The following MFSD2B variants were observed in gnomAD, a reference collection of about 807,000 sequenced individuals.
The protein encoded by MFSD2B is MFSD2 lysolipid transporter B, sphingolipid, also known as sphingosine-1-phosphate transporter MFSD2B.
A neutral mutation model predicts 58.4 loss-of-function variants in MFSD2B; 56 were observed. That is an observed-to-expected ratio of 0.96 (90% CI 0.77 to 1.20). The LOEUF (loss-of-function observed/expected upper bound fraction) is 1.20, where lower values mean the gene tolerates loss of function less well. Ranked by LOEUF, MFSD2B falls within the 50% of genes most tolerant of loss-of-function variation. The pLI, the probability that MFSD2B is intolerant of heterozygous loss-of-function variation, is 0.00. For synonymous variants in MFSD2B, 287 were observed against 294.4 expected, an observed-to-expected ratio of 0.97 and a Z score of 0.26; for missense variants, 645 against 667.6, an observed-to-expected ratio of 0.97 and a Z score of 0.37.
At chr2:24,013,516 T>C (rs557960770) in intron 2 of MFSD2B, 106 bp downstream of exon 2, 13 of 1,204,872 alleles carry the variant, frequency 1.1e-5, no homozygotes, top group Non-Finnish European at 1.4e-5. Context: ...ACAGCACTTC[T>C]GACACGAGCT....
At position 24,017,217 on chromosome 2, in the gene MFSD2B, G is replaced by A. The variant is rs1188388704; in HGVS notation, c.472-69G>A. Reference sequence around the variant, plus strand: ...TGTGGGTGTCGGGATGTGACACCCAGGATGGGGGAGGTCGCCCGCTGTCAC... The same window carrying A: ...TGTGGGTGTCGGGATGTGACACCCAAGATGGGGGAGGTCGCCCGCTGTCAC... On this transcript the variant is annotated intron_variant, in intron 4 of 13. Transcript: ENST00000338315. The surrounding 1 kb of genome is among the most constrained non-coding windows in gnomAD (Gnocchi z 4.8). The A allele has an allele frequency of 6.7e-7, 1 of 1,485,136 alleles. No individual in the cohort carries two copies. Among genetic ancestry groups the A allele is most frequent in the African/African-American group, 1.4e-5 (1 of 71,964 alleles). 92.0% of individuals were successfully genotyped at this position (1,485,136 alleles called of 1,614,324 possible).
At position 24,012,730 on chromosome 2, in the gene MFSD2B, T is replaced by G. The variant is rs569619886; in HGVS notation, c.97-555T>G. ...ATTTGCTAGGAGCTGGATTAGACAA[T>G]GGAATGGCCATCAGGAGCTGTATGT... On this transcript the variant is annotated intron_variant, in intron 1 of 13. Transcript: ENST00000338315. The surrounding 1 kb of genome is among the most constrained non-coding windows in gnomAD (Gnocchi z 4.5). Among the ~76,000 whole-genome samples the G allele has an allele frequency of 6.6e-6, 1 of 152,214 alleles. No homozygotes were observed. Among genetic ancestry groups the G allele is most frequent in the Admixed American group, 6.5e-5 (1 of 15,296 alleles).
At position 24,024,789 on chromosome 2, in the gene MFSD2B, T is replaced by C. The variant is rs977401723; in HGVS notation, c.1490+518T>C. Among the ~76,000 whole-genome samples the C allele has an allele frequency of 2.0e-5, 3 of 152,156 alleles. No homozygotes were observed. The highest frequency in any genetic ancestry group is 7.2e-5 in the African/African-American group (3 of 41,438). ...TGGTGAATGACACCATCGTTCCCTC[T>C]GGGTGGAAGCCTAGGAGTCTTCTGC... is the stretch of plus-strand genomic sequence containing the variant. On this transcript the variant is annotated intron_variant, in intron 13 of 13. Transcript: ENST00000338315. This position sits in a 1 kb window ranked among gnomAD's most constrained non-coding sequence, Gnocchi z 4.3.
intron 2 of MFSD2B, among the ~76,000 whole-genome samples, chr2:24,015,389 T>C (rs1403751859): frequency 1.3e-5 from 2 of 151,998 alleles, no homozygotes; most frequent in Admixed American, 6.6e-5. Flanking sequence ...GAGGCAGTGG[T>C]TGCAGTGAGC....
chr2:24,016,662 G>A (rs1367167165), intron 3 of MFSD2B, among the ~76,000 whole-genome samples, 183 bp from the exon 4 acceptor site: 2 of 152,302 alleles, frequency 1.3e-5, no homozygotes, highest in East Asian at 3.9e-4. Flanking sequence ...AGGAGTGGCC[G>A]CCCATTCCCC....
chr2:24,022,830 C>T lies in MFSD2B; in HGVS notation c.987C>T (p.Ala329=), dbSNP rs1013607811. The change falls in exon 10 of 14, where the codon GCC becomes GCT. Residue 329 remains alanine (A), a synonymous_variant. Transcript: ENST00000338315. This position sits in a 1 kb window ranked among gnomAD's most constrained non-coding sequence, Gnocchi z 4.5. ...QGLVLTVLVS[A]VLSTPLWEWV... ...ATGCTGTCTGCTCACAGGTCTCAGCCGTGCTGAGCACCCCGCTGTGGGAGT... is the reference window on the plus strand; with the variant it reads ...ATGCTGTCTGCTCACAGGTCTCAGCTGTGCTGAGCACCCCGCTGTGGGAGT... The T allele has an allele frequency of 3.8e-6, 6 of 1,597,948 alleles. No homozygotes were observed. The highest frequency in any genetic ancestry group is 3.3e-4 in the Middle Eastern group (2 of 6,012).
Position 24,017,190 on chromosome 2 carries a change from C to G in MFSD2B, c.472-96C>G. ...GGCCAGCTGGGATATGTCACGTTGG[C>G]CTGTGGGTGTCGGGATGTGACACCC... is the stretch of plus-strand genomic sequence containing the variant. On this transcript the variant is annotated intron_variant, in intron 4 of 13. Coordinates refer to ENST00000338315, the MANE Select transcript of MFSD2B (RefSeq NM_001346880.2). This position sits in a 1 kb window ranked among gnomAD's most constrained non-coding sequence, Gnocchi z 4.8. 1 of 1,363,174 alleles carries G rather than the reference C, an allele frequency of 7.3e-7. No homozygotes were observed. The highest frequency in any genetic ancestry group is 1.0e-6 in the Non-Finnish European group (1 of 992,206). The allele number at this position is 1,363,174 out of a possible 1,614,324, so 84.4% of individuals were successfully genotyped here. A position where few individuals can be genotyped will look rare whatever the true frequency, so the allele number is the denominator to read the frequency against.
intron 4 of MFSD2B, 30 bp downstream of exon 4, chr2:24,016,998 TC>T (rs1709172323): frequency 9.3e-6 from 15 of 1,612,046 alleles, no homozygotes; most frequent in African/African-American, 1.3e-5. Context: ...GGGCCTGTGC[TC>T]TGGCGAAGCC....
At position 24,023,867 on chromosome 2, in the gene MFSD2B, T is replaced by G; in HGVS notation, c.1313+141T>G. 2 of 1,123,568 alleles carry G rather than the reference T, an allele frequency of 1.8e-6. No individual in the cohort carries two copies. The highest frequency in any genetic ancestry group is 2.6e-6 in the Non-Finnish European group (2 of 783,140). The allele number at this position is 1,123,568 out of a possible 1,614,324, so 69.6% of individuals were successfully genotyped here. A position where few individuals can be genotyped will look rare whatever the true frequency, so the allele number is the denominator to read the frequency against. On this transcript the variant is annotated intron_variant, in intron 12 of 13. Transcript: ENST00000338315. This position sits in a 1 kb window ranked among gnomAD's most constrained non-coding sequence, Gnocchi z 5.0. ...TCTTTGGAGAGTGTGGGGAACCACT[T>G]CCCCAGGTTTCTCTGTGCATGAGAC...
In MFSD2B at chr2:24,017,386, G is replaced by T; in HGVS notation, c.550+22G>T. On this transcript the variant is annotated intron_variant, in intron 5 of 13. Coordinates refer to ENST00000338315, the MANE Select transcript of MFSD2B (RefSeq NM_001346880.2). This position sits in a 1 kb window ranked among gnomAD's most constrained non-coding sequence, Gnocchi z 4.8. ...TACCGTGAGTGCAGCCGTGGGTTTC[G>T]GGTTCCAGGGAGGCAACTGCCCCTG... 6.3e-7 allele frequency: 1 copy of T among 1,599,496 alleles called. No individual in the cohort carries two copies. Among genetic ancestry groups the T allele is most frequent in the Non-Finnish European group, 8.5e-7 (1 of 1,173,686 alleles).
chr2:24,016,011 T>C (rs1468526463), intron 2 of MFSD2B, 145 bp from the exon 3 acceptor site: 2 of 979,594 alleles, frequency 2.0e-6, no homozygotes, highest in Non-Finnish European at 3.1e-6. Context: ...ATCAGCATCC[T>C]GGGGAAGGCT....
In MFSD2B at chr2:24,017,610, GC is replaced by G. The variant is rs748386912; in HGVS notation, c.681+28del. On this transcript the variant is annotated intron_variant, in intron 6 of 13. Transcript: ENST00000338315. The surrounding 1 kb of genome is among the most constrained non-coding windows in gnomAD (Gnocchi z 4.8). ...TGCAGTAAGTGCACTGGGTGGCAAGGCCCCCCAACCTGGGGTCCCCTCTGCA... is the reference window on the plus strand; with the variant it reads ...TGCAGTAAGTGCACTGGGTGGCAAGGCCCCCAACCTGGGGTCCCCTCTGCA... 3 of 1,532,680 alleles carry G rather than the reference GC, an allele frequency of 2.0e-6. No homozygotes were observed. Among genetic ancestry groups the G allele is most frequent in the Admixed American group, 2.0e-5 (1 of 50,198 alleles). 94.9% of individuals were successfully genotyped at this position (1,532,680 alleles called of 1,614,324 possible).
Position 24,020,572 on chromosome 2 carries a change from T to C in MFSD2B, c.682-1076T>C, listed in dbSNP as rs1016273993. Among the ~76,000 whole-genome samples, 3 of 152,122 alleles carry C rather than the reference T, an allele frequency of 2.0e-5. No individual in the cohort carries two copies. Among genetic ancestry groups the C allele is most frequent in the African/African-American group, 4.8e-5 (2 of 41,432 alleles). On this transcript the variant is annotated intron_variant, in intron 6 of 13. Coordinates refer to ENST00000338315, the MANE Select transcript of MFSD2B (RefSeq NM_001346880.2). The surrounding 1 kb of genome is among the most constrained non-coding windows in gnomAD (Gnocchi z 4.1). ...AAGTAGCACTGTCCTGCTTCCTATA[T>C]ATACAGAGGCAGGGTCTTACTCTGC...
chr2:24,025,632 T>G lies in MFSD2B; in HGVS notation c.*176T>G. The G allele has an allele frequency of 1.6e-6, 1 of 614,306 alleles. No homozygotes were observed. Among genetic ancestry groups the G allele is most frequent in the East Asian group, 2.8e-5 (1 of 36,168 alleles). The allele number at this position is 614,306 out of a possible 1,614,324, so 38.1% of individuals were successfully genotyped here. A position where few individuals can be genotyped will look rare whatever the true frequency, so the allele number is the denominator to read the frequency against. ...ACTGGCCCGCACTCCAGGACCCCACTTGGCATTTCTTGTCTGTTGCCTTCA... is the reference window on the plus strand; with the variant it reads ...ACTGGCCCGCACTCCAGGACCCCACGTGGCATTTCTTGTCTGTTGCCTTCA... On this transcript the variant is annotated 3_prime_UTR_variant, in exon 14 of 14. Transcript: ENST00000338315.
chr2:24,025,177 G>A (rs183619637), intron 13 of MFSD2B, among the ~76,000 whole-genome samples: 159 of 152,278 alleles, frequency 1.0e-3, no homozygotes, highest in African/African-American at 3.5e-3. Context: ...TGAGGGTGAC[G>A]GCCTCGGGCT....
At position 24,017,030 on chromosome 2, in the gene MFSD2B, CTGAAGTG is replaced by C. The variant is rs200355809; in HGVS notation, c.471+65_471+71del. 0.049 allele frequency: 77,909 copies of C among 1,599,714 alleles called. 2,154 individuals are homozygous for C. Among genetic ancestry groups the C allele is most frequent in the South Asian group, 0.082 (7,367 of 90,296 alleles). On this transcript the variant is annotated intron_variant, in intron 4 of 13. Transcript: ENST00000338315. This position sits in a 1 kb window ranked among gnomAD's most constrained non-coding sequence, Gnocchi z 4.8. ...AAGCCCATTGCTGGCCATGGCCACT[CTGAAGTG>C]TGCTGTGGGGGCAGGGCTGCCGCCC...
rs1662757991 is a variant in MFSD2B, at chr2:24,020,953, G to C, written c.682-695G>C. Among the ~76,000 whole-genome samples, 2 of 151,954 alleles carry C rather than the reference G, an allele frequency of 1.3e-5. No individual in the cohort carries two copies. The highest frequency in any genetic ancestry group is 1.3e-4 in the Admixed American group (2 of 15,244). On this transcript the variant is annotated intron_variant, in intron 6 of 13. Coordinates refer to ENST00000338315, the MANE Select transcript of MFSD2B (RefSeq NM_001346880.2). The surrounding 1 kb of genome is among the most constrained non-coding windows in gnomAD (Gnocchi z 4.1). Reference sequence around the variant, plus strand: ...GCTCTGTCGCTTAGGCTGGAGTGCAGTACTGTGATCTCGGCTCACTGCAAC... The same window carrying C: ...GCTCTGTCGCTTAGGCTGGAGTGCACTACTGTGATCTCGGCTCACTGCAAC...
chr2:24,016,097 G>A, intron 2 of MFSD2B, 59 bp from the exon 3 acceptor site: 4 of 1,606,656 alleles, frequency 2.5e-6, no homozygotes, highest in Non-Finnish European at 3.4e-6. Context: ...AGCAGGCCTG[G>A]ATGGGCTCTC....
At chr2:24,015,185 C>T (rs1264901640) in intron 2 of MFSD2B, among the ~76,000 whole-genome samples, 1 of 151,400 alleles carries the variant, frequency 6.6e-6, no homozygotes, top group Non-Finnish European at 1.5e-5. Context: ...CTCACACACC[C>T]AGCACTTTGG....
Sources: allele counts gnomAD v4.1 joint callset (sites outside exome capture counted in the v4.1 genomes callset), GRCh38; gene constraint gnomAD v4.1.1; non-coding constraint Gnocchi (gnomAD v3.1); transcripts MANE v1.5; gene names NCBI Gene and HGNC (gene_info 2026-07-23, HGNC 2026-07-21).